Variants in PRDM16 observed in about 807,000 individuals in gnomAD.
The protein encoded by PRDM16 is histone-lysine N-methyltransferase PRDM16.
A neutral mutation model predicts 110.6 loss-of-function variants in PRDM16; 23 were observed. The ratio of observed to expected loss-of-function variants is 0.21; its 90% confidence interval spans 0.15 to 0.29. PRDM16 has a LOEUF of 0.29. Among genes scored for constraint, PRDM16 ranks in the 10% least tolerant of loss-of-function variants. The pLI, the probability that PRDM16 is intolerant of heterozygous loss-of-function variation, is 1.00. For synonymous variants in PRDM16, 799 were observed against 781.8 expected (o/e 1.02, Z -0.37); for missense variants, 1,615 against 1,794.3 (o/e 0.90, Z 1.81).
chr1:3,417,430 TAGCC>T (rs1267540178), intron 10 of PRDM16, among the ~76,000 whole-genome samples: 1 of 152,214 alleles, frequency 6.6e-6, no homozygotes, highest in Non-Finnish European at 1.5e-5. Flanking sequence ...TAACCCAAAC[TAGCC>T]AACCAGAAGT....
intron 2 of PRDM16, among the ~76,000 whole-genome samples, chr1:3,221,291 C>G (rs1351443188): frequency 2.6e-5 from 4 of 152,232 alleles, no homozygotes; most frequent in Non-Finnish European, 5.9e-5. Context: ...GGTTCCAGCG[C>G]TCAGTTGCCT....
intron 1 of PRDM16, among the ~76,000 whole-genome samples, chr1:3,111,605 G>C (rs957394589): frequency 3.3e-5 from 5 of 152,022 alleles, no homozygotes; most frequent in African/African-American, 9.7e-5. Flanking sequence ...AGCAAGGTTG[G>C]GGGAGCCCAG....
chr1:3,169,759 G>C (rs889573882), intron 1 of PRDM16, among the ~76,000 whole-genome samples: 3 of 152,260 alleles, frequency 2.0e-5, no homozygotes, highest in Non-Finnish European at 4.4e-5. Context: ...GGGGCAGGTG[G>C]GGAAGGGCTG....
At chr1:3,147,149 CG>C (rs1643687762) in intron 1 of PRDM16, among the ~76,000 whole-genome samples, 1 of 137,110 alleles carries the variant, frequency 7.3e-6, no homozygotes, top group Non-Finnish European at 1.6e-5. Context: ...TGTGTGTGCT[CG>C]GTGTGAGGTG....
At chr1:3,424,411 C>T (rs893317176) in intron 12 of PRDM16, among the ~76,000 whole-genome samples, 2 of 152,242 alleles carry the variant, frequency 1.3e-5, no homozygotes, top group Non-Finnish European at 2.9e-5. Flanking sequence ...CCTCCTCGAT[C>T]GCTCATTATG....
At chr1:3,346,472 C>G (rs1206864078) in intron 3 of PRDM16, among the ~76,000 whole-genome samples, 1 of 152,192 alleles carries the variant, frequency 6.6e-6, no homozygotes, top group African/African-American at 2.4e-5. Context: ...GGTTCCTGTT[C>G]AGCAGCCTGA....
rs1642932779 is a variant in PRDM16 at position 3,115,377 on chromosome 1, A to G, written c.37+46081A>G. ...GCCTGGAAAGTGGCAGAGAGAGCAA[A>G]TACGCCAGCTCCTGAGCAAACCCAG... On this transcript the variant is annotated intron_variant, in intron 1 of 16. Coordinates refer to ENST00000270722, the MANE Select transcript of PRDM16 (RefSeq NM_022114.4). 1.3e-5 allele frequency among the ~76,000 whole-genome samples: 2 copies of G among 152,238 alleles called. 1 individual carries two copies. Among genetic ancestry groups the G allele is most frequent in the South Asian group, 4.1e-4 (2 of 4,832 alleles).
chr1:3,113,751 C>G (rs1411186779), intron 1 of PRDM16, among the ~76,000 whole-genome samples: 1 of 152,212 alleles, frequency 6.6e-6, no homozygotes, highest in Non-Finnish European at 1.5e-5. Context: ...AGGGCAGAAC[C>G]CCCGTCTGGG....
chr1:3,257,909 C>A (rs763565230), intron 3 of PRDM16, among the ~76,000 whole-genome samples: 1 of 152,168 alleles, frequency 6.6e-6, no homozygotes, highest in Non-Finnish European at 1.5e-5. Flanking sequence ...AGTGTCCCCA[C>A]CACAGGGACA....
intron 3 of PRDM16, among the ~76,000 whole-genome samples, chr1:3,367,966 G>A (rs994837862): frequency 2.0e-5 from 3 of 152,196 alleles, no homozygotes; most frequent in East Asian, 3.8e-4. Context: ...GCAACTTAAC[G>A]TAAAAGTAAA....
chr1:3,262,552 G>A (rs577697803), intron 3 of PRDM16, among the ~76,000 whole-genome samples: 1 of 152,212 alleles, frequency 6.6e-6, no homozygotes, highest in Non-Finnish European at 1.5e-5. Flanking sequence ...CCTCCTGGTT[G>A]CAGGCTATTC....
At chr1:3,130,502 G>A (rs1259987916) in intron 1 of PRDM16, among the ~76,000 whole-genome samples, 3 of 152,200 alleles carry the variant, frequency 2.0e-5, no homozygotes, top group Admixed American at 6.5e-5. Flanking sequence ...CGTCTCCAGG[G>A]CCCGCCCAGC....
intron 2 of PRDM16, among the ~76,000 whole-genome samples, chr1:3,226,159 C>A (rs1569878515): frequency 6.6e-6 from 1 of 152,274 alleles, no homozygotes; most frequent in South Asian, 2.1e-4. Context: ...AGCCAACCCA[C>A]TTCCTTCCTG....
intron 1 of PRDM16, among the ~76,000 whole-genome samples, chr1:3,132,769 T>A (rs1166269689): frequency 1.3e-5 from 2 of 152,140 alleles, no homozygotes; most frequent in Non-Finnish European, 2.9e-5. Flanking sequence ...GGTTCAGCAG[T>A]TTTTGAACAC....
rs974953632 is a variant in PRDM16, at chr1:3,404,992, G to A, written c.1032+106G>A. ...CCCCTGGTCCAAATGTAGATGGAGT[G>A]CGGCAGAGTGGGTAGGAGGCCCCTG... On this transcript the variant is annotated intron_variant, in intron 7 of 16. Coordinates refer to ENST00000270722, the MANE Select transcript of PRDM16 (RefSeq NM_022114.4). 2.3e-5 allele frequency: 30 copies of A among 1,283,008 alleles called. No homozygotes were observed. In the East Asian group the frequency reaches 6.3e-4, roughly 27 times the overall value. The allele number at this position is 1,283,008 out of a possible 1,614,324, so 79.5% of individuals were successfully genotyped here. A position where few individuals can be genotyped will look rare whatever the true frequency, so the allele number is the denominator to read the frequency against.
intron 3 of PRDM16, among the ~76,000 whole-genome samples, chr1:3,327,565 G>C (rs1403667596): frequency 6.6e-6 from 1 of 152,256 alleles, no homozygotes; most frequent in African/African-American, 2.4e-5. Context: ...TCTGGTTACT[G>C]ATGCAGAGCG....
At chr1:3,287,234 G>A (rs547878522) in intron 3 of PRDM16, among the ~76,000 whole-genome samples, 14 of 151,612 alleles carry the variant, frequency 9.2e-5, no homozygotes, top group Non-Finnish European at 2.9e-5. Context: ...CCAGCCACGC[G>A]GGCATCCAGG....
At position 3,411,805 on chromosome 1, in the gene PRDM16, G is replaced by A. The variant is rs774197437; in HGVS notation, c.1608G>A (p.Lys536=). 1.9e-6 allele frequency: 3 copies of A among 1,611,886 alleles called. No individual in the cohort carries two copies. The change falls in exon 9 of 17, where the codon AAG becomes AAA. Residue 536 remains lysine, a synonymous_variant. Transcript: ENST00000270722. ...TGCTACCTCCCACATCGCTGCTCAA[G>A]AGCCCCCTGAACCACACCCAGGACG... is the stretch of plus-strand genomic sequence containing the variant. ...PPLLPPTSLL[K]SPLNHTQDAK...
chr1:3,185,513 T>G (rs1644257095), intron 1 of PRDM16, among the ~76,000 whole-genome samples: 1 of 151,980 alleles, frequency 6.6e-6, no homozygotes, highest in South Asian at 2.1e-4. Context: ...GCGGCCCAAG[T>G]GCAGGGATGT....
Sources: allele counts gnomAD v4.1 joint callset (sites outside exome capture counted in the v4.1 genomes callset), GRCh38; gene constraint gnomAD v4.1.1; transcripts MANE v1.5; gene names NCBI Gene and HGNC (gene_info 2026-07-23, HGNC 2026-07-21).